RPRD2: variants seen among roughly 807,000 people sequenced by gnomAD.
The protein encoded by RPRD2 is regulation of nuclear pre-mRNA domain containing 2.
A neutral mutation model predicts 104.4 loss-of-function variants in RPRD2; 12 were observed. The observed-to-expected ratio is 0.11, with a 90% CI of 0.07 to 0.19. The LOEUF (loss-of-function observed/expected upper bound fraction) is 0.19, where lower values mean the gene tolerates loss of function less well. Among genes scored for constraint, RPRD2 ranks in the 10% least tolerant of loss-of-function variants. The pLI is 1.00. For synonymous variants in RPRD2, 714 were observed against 684.9 expected (o/e 1.04, Z -0.66); for missense variants, 1,543 against 1,790.1 (o/e 0.86, Z 2.49).
chr1:150,445,512 A>G (rs1290884442), intron 6 of RPRD2, among the ~76,000 whole-genome samples: 1 of 152,222 alleles, frequency 6.6e-6, no homozygotes, highest in African/African-American at 2.4e-5. Context: ...CGTTTAAGAG[A>G]TAACATCTTA....
chr1:150,368,223 TTA>T (rs143015669), intron 1 of RPRD2, among the ~76,000 whole-genome samples: 10,525 of 115,050 alleles, frequency 0.091, 429 homozygotes, highest in Non-Finnish European at 0.11. Context: ...TTTTTTTTTT[TTA>T]ATACGGAGTC....
Position 150,471,916 on chromosome 1 carries a change from A to C in RPRD2, c.2968A>C (p.Thr990Pro). The change falls in exon 11 of 11, where the codon ACG (threonine) becomes CCG (proline). Residue 990 changes from threonine (T) to proline (P), a missense_variant. Transcript: ENST00000369068. The surrounding 1 kb of genome is among the most constrained non-coding windows in gnomAD (Gnocchi z 5.3). ...TLAAPTGHPPTSGVEKVLAST... is the reference protein window; with the variant it reads ...TLAAPTGHPPPSGVEKVLAST... Reference sequence around the variant, plus strand: ...TGCCGCTCCCACGGGTCACCCACCCACGTCAGGCGTGGAGAAAGTCCTGGC... The same window carrying C: ...TGCCGCTCCCACGGGTCACCCACCCCCGTCAGGCGTGGAGAAAGTCCTGGC... The C allele has an allele frequency of 2.5e-6, 4 of 1,613,810 alleles. No homozygotes were observed. Among genetic ancestry groups the C allele is most frequent in the Non-Finnish European group, 3.4e-6 (4 of 1,179,878 alleles).
At chr1:150,449,404 G>C (rs1667007901) in intron 7 of RPRD2, among the ~76,000 whole-genome samples, 1 of 151,988 alleles carries the variant, frequency 6.6e-6, no homozygotes, top group Non-Finnish European at 1.5e-5. Flanking sequence ...TTGGGTTTAA[G>C]TCTACCATCT....
chr1:150,460,394 G>GGTT (rs72430251), intron 9 of RPRD2, 77 bp downstream of exon 9: 88,205 of 1,081,044 alleles, frequency 0.082, 2,876 homozygotes, highest in Non-Finnish European at 0.094. Context: ...TTTTTGGGGG[G>GGTT]GTTGTTGTTG....
rs188205658 is a variant in RPRD2, at chr1:150,441,800, A to T, written c.437-81A>T. On this transcript the variant is annotated intron_variant, in intron 3 of 10. Transcript: ENST00000369068. ...ACACAGTCTCGGATTGCCTTTTTTC[A>T]TGCTGCAACTTTGGCACTGAAGTGG... 17 of 875,732 alleles carry T rather than the reference A, an allele frequency of 1.9e-5. No homozygotes were observed. The East Asian group carries it at 3.7e-4, about 19-fold the overall frequency. The allele number at this position is 875,732 out of a possible 1,614,324, so 54.2% of individuals were successfully genotyped here.
Position 150,364,338 on chromosome 1 carries a change from G to T in RPRD2, c.-377G>T, listed in dbSNP as rs587702583. 9.2e-5 allele frequency among the ~76,000 whole-genome samples: 14 copies of T among 152,190 alleles called. No homozygotes were observed. In the East Asian group the frequency reaches 2.7e-3, roughly 29 times the overall value. On this transcript the variant is annotated 5_prime_UTR_variant, in exon 1 of 11. Transcript: ENST00000369068. ...GAGTGTGGGAACAGGGGCGGGGAAG[G>T]GCCTTAGCACTGAGAGCCGAAAAGT...
At chr1:150,420,386 A>T (rs1023904402) in intron 2 of RPRD2, among the ~76,000 whole-genome samples, 2 of 152,214 alleles carry the variant, frequency 1.3e-5, no homozygotes, top group South Asian at 4.1e-4. Flanking sequence ...GCCCCCAAGA[A>T]TGTTTTAACT....
Position 150,472,313 on chromosome 1 carries a change from A to C in RPRD2, c.3365A>C (p.Glu1122Ala). 5 of 1,613,934 alleles carry C rather than the reference A, an allele frequency of 3.1e-6. No homozygotes were observed. Among genetic ancestry groups the C allele is most frequent in the Non-Finnish European group, 4.2e-6 (5 of 1,179,862 alleles). ...AAGGGAAATAGAGGACATGGGCGTG[A>C]GGCTTCAAGGGTGGGTTGGTTTGAT... ...PGKGNRGHGR[E>A]ASRVGWFDLS... The change falls in exon 11 of 11, where the codon GAG becomes GCG. Residue 1122 changes from glutamate (E) to alanine (A), a missense_variant. Physicochemically the swap from Glu to Ala is moderately radical, Grantham distance 107. Transcript: ENST00000369068.
chr1:150,407,042 T>C (rs2102240002), intron 1 of RPRD2, among the ~76,000 whole-genome samples: 1 of 152,322 alleles, frequency 6.6e-6, no homozygotes, highest in South Asian at 2.1e-4. Flanking sequence ...TCGAATATGG[T>C]ATGACCTCTA....
intron 2 of RPRD2, among the ~76,000 whole-genome samples, chr1:150,424,694 C>T (rs996376112): frequency 6.6e-6 from 1 of 152,144 alleles, no homozygotes; most frequent in African/African-American, 2.4e-5. Context: ...GACTAGAACC[C>T]AGATTTTTCT....
rs137990674 is a variant in RPRD2, at chr1:150,437,630, A to G, written c.336-3293A>G. On this transcript the variant is annotated intron_variant, in intron 2 of 10. Transcript: ENST00000369068. ...AGTCTTACTCTGTCACTCAAGCTGG[A>G]GTGCAGTGGTGTTGTCAGGGCTCAC... Among the ~76,000 whole-genome samples, 4 of 152,158 alleles carry G rather than the reference A, an allele frequency of 2.6e-5. No homozygotes were observed. In the East Asian group the frequency reaches 7.7e-4, roughly 29 times the overall value.
rs1448714084 is a variant in RPRD2, at chr1:150,471,833, A to G, written c.2885A>G (p.Tyr962Cys). The change falls in exon 11 of 11, where the codon TAC becomes TGC. Residue 962 changes from tyrosine to cysteine, a missense_variant. Transcript: ENST00000369068. This position sits in a 1 kb window ranked among gnomAD's most constrained non-coding sequence, Gnocchi z 5.3. ...TGHLSLPQKQ[Y>C]PDSPHPVPHR... ...CATCTCAGTTTGCCACAGAAGCAGT[A>G]CCCAGACTCTCCTCACCCAGTCCCA... The G allele has an allele frequency of 6.2e-7, 1 of 1,613,844 alleles. No homozygotes were observed. The highest frequency in any genetic ancestry group is 8.5e-7 in the Non-Finnish European group (1 of 1,179,864).
At chr1:150,374,355 G>A (rs1660547356) in intron 1 of RPRD2, among the ~76,000 whole-genome samples, 1 of 152,160 alleles carries the variant, frequency 6.6e-6, no homozygotes, top group Non-Finnish European at 1.5e-5. Flanking sequence ...CTCTTCATCT[G>A]GTGTTCATTG....
At chr1:150,459,216 A>G (rs1165645553) in intron 8 of RPRD2, among the ~76,000 whole-genome samples, 1 of 152,186 alleles carries the variant, frequency 6.6e-6, no homozygotes, top group Non-Finnish European at 1.5e-5. Flanking sequence ...GTTGAATTCA[A>G]TGCACTATTG....
chr1:150,379,380 A>C (rs1660962634), intron 1 of RPRD2, among the ~76,000 whole-genome samples: 1 of 151,742 alleles, frequency 6.6e-6, no homozygotes, highest in Non-Finnish European at 1.5e-5. Flanking sequence ...TCTTAGGTTT[A>C]ATTTCTGTTT....
intron 1 of RPRD2, among the ~76,000 whole-genome samples, chr1:150,409,941 G>C (rs1290359089): frequency 6.6e-6 from 1 of 152,058 alleles, no homozygotes; most frequent in Non-Finnish European, 1.5e-5. Context: ...TACCGCACCT[G>C]GCCTGATGTT....
intron 8 of RPRD2, among the ~76,000 whole-genome samples, chr1:150,458,938 C>T (rs941869272): frequency 3.9e-5 from 6 of 152,140 alleles, no homozygotes; most frequent in East Asian, 3.9e-4. Flanking sequence ...CCACCATGCC[C>T]GGCCCTGATT....
intron 1 of RPRD2, among the ~76,000 whole-genome samples, chr1:150,414,451 G>A (rs1477346493): frequency 1.3e-5 from 2 of 151,852 alleles, no homozygotes; most frequent in African/African-American, 4.9e-5. Context: ...AAAACACTAT[G>A]CTATGAGTAG....
intron 1 of RPRD2, among the ~76,000 whole-genome samples, chr1:150,395,071 T>C (rs143867369): frequency 0.016 from 2,453 of 152,320 alleles, 52 homozygotes; most frequent in African/African-American, 0.055. Flanking sequence ...AGTTCTTTAA[T>C]GGTGATTTGT....
Sources: gnomAD v4.1 joint callset for allele counts (sites outside exome capture counted in the v4.1 genomes callset) on GRCh38, gnomAD v4.1.1 for gene constraint, Gnocchi (gnomAD v3.1) non-coding constraint, MANE v1.5 for transcripts, NCBI Gene and HGNC (gene_info 2026-07-23, HGNC 2026-07-21) for gene names.